Variants in ANKDD1A observed in about 807,000 individuals in gnomAD.
ANKDD1A encodes the protein ankyrin repeat and death domain containing 1A, also known as ankyrin repeat and death domain-containing protein 1A.
ANKDD1A carries 59 observed loss-of-function variants against 63.5 expected under a neutral mutation model. The ratio of observed to expected loss-of-function variants is 0.93; its 90% CI spans 0.75 to 1.15. The LOEUF (loss-of-function observed/expected upper bound fraction) is 1.15. ANKDD1A is among the 50% of genes most tolerant of loss of function. ANKDD1A has a pLI of 0.00. For synonymous variants in ANKDD1A, 266 were observed against 263.9 expected, an observed-to-expected ratio of 1.01 and a Z score of -0.08; for missense variants, 632 against 656.4, an observed-to-expected ratio of 0.96 and a Z score of 0.41.
In ANKDD1A at chr15:64,951,355, TTC is replaced by T. The variant is rs2085270849; in HGVS notation, c.1483+1385_1483+1386del. The T allele has an allele frequency of 1.4e-5, 8 of 566,470 alleles. No individual in the cohort carries two copies. The East Asian group carries it at 5.8e-4, about 41-fold the overall frequency. 35.1% of individuals were successfully genotyped at this position (566,470 alleles called of 1,614,324 possible). Reference sequence around the variant, plus strand: ...CTTTTTCTTTCTTCTTTCCTCTTCTTTCTTCTTCCTCTTTCTTCTTTCTTTTT... The same window carrying T: ...CTTTTTCTTTCTTCTTTCCTCTTCTTTTCTTCCTCTTTCTTCTTTCTTTTT... On this transcript the variant is annotated intron_variant, in intron 14 of 14. Transcript: ENST00000319580.
At chr15:64,951,964 C>G (rs2085293424) in intron 14 of ANKDD1A, among the ~76,000 whole-genome samples, 1 of 141,118 alleles carries the variant, frequency 7.1e-6, no homozygotes, top group South Asian at 2.3e-4. Context: ...TCCTTCTGCT[C>G]TTCTTTCTTC....
intron 12 of ANKDD1A, among the ~76,000 whole-genome samples, chr15:64,947,152 G>A (rs2140382025): frequency 6.6e-6 from 1 of 152,320 alleles, no homozygotes; most frequent in South Asian, 2.1e-4. Context: ...TGACAATGAG[G>A]TTGAGGGGCA....
chr15:64,934,504 T>TC (rs1170052117), intron 9 of ANKDD1A, among the ~76,000 whole-genome samples: 13 of 144,544 alleles, frequency 9.0e-5, no homozygotes, highest in African/African-American at 1.3e-4. Flanking sequence ...TCTTTTCTTT[T>TC]TTTTTTTTTT....
At position 64,934,202 on chromosome 15, in the gene ANKDD1A, C is replaced by G; in HGVS notation, c.835C>G (p.His279Asp). 1.2e-6 allele frequency: 2 copies of G among 1,612,350 alleles called. No individual in the cohort carries two copies. Among genetic ancestry groups the G allele is most frequent in the Non-Finnish European group, 1.7e-6 (2 of 1,179,192 alleles). Residue 279 changes from histidine (H) to aspartate (D), a missense_variant, in exon 9 of 15, where the codon CAC becomes GAC. Transcript: ENST00000319580. The stretch of plus-strand genomic sequence containing the variant: ...GGAGGATGTGTCTCGGGTCCTCATC[C>G]ACGCAGGAGGCTGCGCCAACGTGGT... The part of the protein sequence containing the change: ...GSEDVSRVLI[H>D]AGGCANVVDH...
intron 14 of ANKDD1A, among the ~76,000 whole-genome samples, chr15:64,953,745 CCT>C (rs2085358248): frequency 3.7e-5 from 5 of 136,410 alleles, no homozygotes; most frequent in Non-Finnish European, 7.9e-5. Context: ...CTTCTTCTTT[CCT>C]CTTTTCTTCG....
chr15:64,951,399 T>TTTCCTC (rs2085272689), intron 14 of ANKDD1A: 3 of 181,532 alleles, frequency 1.7e-5, no homozygotes, highest in Non-Finnish European at 2.0e-5. Flanking sequence ...TTCTTCCTCT[T>TTTCCTC]TTTTCTTTTT....
At position 64,942,529 on chromosome 15, in the gene ANKDD1A, C is replaced by T. The variant is rs1176493923; in HGVS notation, c.930C>T (p.Leu310=). The change falls in exon 10 of 15, where the codon CTC becomes CTT. Residue 310 remains leucine (L), a synonymous_variant. Transcript: ENST00000319580. ...ACTTCCCTGCCTTGGTCCGGCTCCT[C>T]ATCAACTCCGACAGTGACGTGAATG... ...RHNFPALVRL[L]INSDSDVNAV... 6.2e-7 allele frequency: 1 copy of T among 1,613,772 alleles called. No homozygotes were observed. The highest frequency in any genetic ancestry group is 1.7e-5 in the Admixed American group (1 of 59,976).
In ANKDD1A at chr15:64,931,482, T is replaced by C. The variant is rs774728042; in HGVS notation, c.670-5T>C. ...CATCCTCATTGCTCTTCTTGTGTGT[T>C]GCAGGAAGGTCTGACTGCCCTGCAT... On this transcript the variant is annotated splice_polypyrimidine_tract_variant and splice_region_variant and intron_variant, in intron 7 of 14. Transcript: ENST00000319580. The C allele has an allele frequency of 3.7e-6, 6 of 1,613,178 alleles. 1 individual carries two copies. In the South Asian group the frequency reaches 5.5e-5, roughly 15 times the overall value.
Position 64,928,956 on chromosome 15 carries a change from C to T in ANKDD1A, c.571-1866C>T, listed in dbSNP as rs558038485. 1.8e-4 allele frequency among the ~76,000 whole-genome samples: 28 copies of T among 152,326 alleles called. 3 individuals carry two copies. The highest frequency in any genetic ancestry group is 6.0e-4 in the African/African-American group (25 of 41,580). On this transcript the variant is annotated intron_variant, in intron 6 of 14. Coordinates refer to ENST00000319580, the MANE Select transcript of ANKDD1A (RefSeq NM_182703.6). ...GAAAGCCCTGCCACGGTCTCTACACCCTGCTAACTGGGGGCATGTGTTGGC... is the reference window on the plus strand; with the variant it reads ...GAAAGCCCTGCCACGGTCTCTACACTCTGCTAACTGGGGGCATGTGTTGGC...
intron 14 of ANKDD1A, 112 bp from the exon 15 acceptor site, chr15:64,956,991 A>G (rs2085423104): frequency 5.0e-6 from 2 of 400,490 alleles, no homozygotes; most frequent in Non-Finnish European, 4.9e-6. Flanking sequence ...GTTTCCTAAC[A>G]TATATGTTGC....
chr15:64,937,306 G>A (rs527471621), intron 9 of ANKDD1A, among the ~76,000 whole-genome samples: 3 of 152,346 alleles, frequency 2.0e-5, no homozygotes, highest in East Asian at 3.9e-4. Context: ...TGTATGGAAT[G>A]ATAATATGTA....
intron 14 of ANKDD1A, among the ~76,000 whole-genome samples, chr15:64,952,543 T>C (rs2085311540): frequency 8.4e-6 from 1 of 118,976 alleles, no homozygotes; most frequent in African/African-American, 3.0e-5. Flanking sequence ...CTTCTCCTTC[T>C]CCTCCTCCTT....
At chr15:64,951,779 TTTC>T (rs1211576595) in intron 14 of ANKDD1A, among the ~76,000 whole-genome samples, 7 of 137,980 alleles carry the variant, frequency 5.1e-5, no homozygotes, top group African/African-American at 7.9e-5. Context: ...TCTTCTTTCC[TTTC>T]TTCTTCCTTC....
At position 64,953,145 on chromosome 15, in the gene ANKDD1A, T is replaced by C. The variant is rs184618469; in HGVS notation, c.1483+3173T>C. 6.7e-4 allele frequency among the ~76,000 whole-genome samples: 14 copies of C among 20,744 alleles called. No individual in the cohort carries two copies. The East Asian group carries it at 0.2, about 296-fold the overall frequency. 13.6% of individuals were successfully genotyped at this position (20,744 alleles called of 152,430 possible). A position where few individuals can be genotyped will look rare whatever the true frequency, so the allele number is the denominator to read the frequency against. On this transcript the variant is annotated intron_variant, in intron 14 of 14. Transcript: ENST00000319580. ...TACTTTCTTCTTCCTTTTTTCTTCCTTTTTCTCCTTTCTTCTTTCCTTCTT... is the reference window on the plus strand; with the variant it reads ...TACTTTCTTCTTCCTTTTTTCTTCCCTTTTCTCCTTTCTTCTTTCCTTCTT...
intron 3 of ANKDD1A, among the ~76,000 whole-genome samples, chr15:64,921,136 T>C (rs548117642): frequency 6.3e-4 from 96 of 151,890 alleles, no homozygotes; most frequent in African/African-American, 2.1e-3. Flanking sequence ...ACGCCTGGCT[T>C]ATTTTTACGA....
At position 64,942,471 on chromosome 15, in the gene ANKDD1A, G is replaced by A; in HGVS notation, c.872G>A (p.Gly291Asp). The change falls in exon 10 of 15, where the codon GGT (glycine) becomes GAT (aspartate). Residue 291 changes from glycine (G) to aspartate (D), a missense_variant. By Grantham distance (94) the Gly-to-Asp change is moderately conservative. Coordinates refer to ENST00000319580, the MANE Select transcript of ANKDD1A (RefSeq NM_182703.6). The part of the protein sequence containing the change: ...GGCANVVDHQ[G>D]ASPLHLAVRH... ...TCCGTGTATCTCCTCCCACAGCAGG[G>A]TGCCTCTCCTCTGCACCTCGCTGTG... The A allele has an allele frequency of 6.2e-7, 1 of 1,611,282 alleles. No homozygotes were observed. The highest frequency in any genetic ancestry group is 8.5e-7 in the Non-Finnish European group (1 of 1,178,612).
At chr15:64,917,653 C>A in intron 3 of ANKDD1A, 139 bp downstream of exon 3, 1 of 1,289,992 alleles carries the variant, frequency 7.8e-7, no homozygotes, top group Non-Finnish European at 1.0e-6. Context: ...AGGCTTCAGG[C>A]GCAGGGACAC....
rs1421139493 is a variant in ANKDD1A at position 64,926,982 on chromosome 15, C to A, written c.553C>A (p.His185Asn). 1.2e-6 allele frequency: 2 copies of A among 1,614,168 alleles called. No homozygotes were observed. The highest frequency in any genetic ancestry group is 1.7e-6 in the Non-Finnish European group (2 of 1,180,034). ...CTTCCTCGTGGGCTCTGGCTGTGAC[C>A]ACAATGTCAAAGACAAGGTACCGTG... ...LDFLVGSGCD[H>N]NVKDKEGNTA... Residue 185 changes from histidine to asparagine, a missense_variant, in exon 6 of 15, where the codon CAC becomes AAC. Physicochemically the swap from His to Asn is moderately conservative, Grantham distance 68. Transcript: ENST00000319580.
Position 64,926,911 on chromosome 15 carries a change from C to T in ANKDD1A, c.482C>T (p.Thr161Met), listed in dbSNP as rs148678562. The T allele has an allele frequency of 5.3e-5, 86 of 1,614,022 alleles. No homozygotes were observed. The highest frequency in any genetic ancestry group is 7.7e-5 in the South Asian group (7 of 91,080). ...TCTCCTCCCGGCCAGCTGGGGAGGA[C>T]GGCGTTTCACAGGGCAGCTGAGCAC... The part of the protein sequence containing the change: ...ALDHVDKLGR[T>M]AFHRAAEHGQ... Residue 161 changes from threonine to methionine, a missense_variant, in exon 6 of 15, where the codon ACG becomes ATG. By Grantham distance (81) the Thr-to-Met change is moderately conservative. Transcript: ENST00000319580.
Sources: allele counts gnomAD v4.1 joint callset (sites outside exome capture counted in the v4.1 genomes callset), GRCh38; gene constraint gnomAD v4.1.1; transcripts MANE v1.5; gene names NCBI Gene and HGNC (gene_info 2026-07-23, HGNC 2026-07-21).